Variants in TRABD2B observed in about 807,000 individuals in gnomAD.
TRABD2B encodes metalloprotease TIKI2.
TRABD2B carries 14 observed loss-of-function variants against 40.1 expected under a neutral mutation model. The ratio of observed to expected loss-of-function variants is 0.35; its 90% CI spans 0.23 to 0.55. TRABD2B has a LOEUF of 0.55. Among genes scored for constraint, TRABD2B ranks in the 20% least tolerant of loss-of-function variants. TRABD2B has a pLI of 0.90. For missense variants in TRABD2B, 541 were observed against 648.6 expected (o/e 0.83, Z 1.80); for synonymous variants, 263 against 277.0 (o/e 0.95, Z 0.50).
intron 2 of TRABD2B, among the ~76,000 whole-genome samples, chr1:47,899,740 C>A (rs914029298): frequency 6.6e-6 from 1 of 152,038 alleles, no homozygotes; most frequent in African/African-American, 2.4e-5. Flanking sequence ...CAAGGGAAGC[C>A]CTTGGAAATG....
intron 2 of TRABD2B, among the ~76,000 whole-genome samples, chr1:47,963,409 C>G (rs1300142767): frequency 6.6e-6 from 1 of 152,196 alleles, no homozygotes; most frequent in Non-Finnish European, 1.5e-5. Context: ...AGGGCATTTT[C>G]CCACTGCCAG....
At chr1:47,945,438 T>A (rs1047170198) in intron 2 of TRABD2B, among the ~76,000 whole-genome samples, 3 of 152,204 alleles carry the variant, frequency 2.0e-5, no homozygotes, top group African/African-American at 7.2e-5. Flanking sequence ...TATTAAAAAA[T>A]AATTTACATA....
intron 2 of TRABD2B, among the ~76,000 whole-genome samples, chr1:47,803,486 C>T (rs934822451): frequency 6.6e-6 from 1 of 152,190 alleles, no homozygotes; most frequent in African/African-American, 2.4e-5. Flanking sequence ...GGCCATCCTC[C>T]ACCAAGAATA....
intron 2 of TRABD2B, among the ~76,000 whole-genome samples, chr1:47,943,743 A>C (rs1366092275): frequency 7.1e-6 from 1 of 141,514 alleles, no homozygotes; most frequent in Non-Finnish European, 1.5e-5. Context: ...ACTATACGTG[A>C]GATGCATCCA....
At chr1:47,937,148 C>G (rs964673657) in intron 2 of TRABD2B, among the ~76,000 whole-genome samples, 20 of 151,168 alleles carry the variant, frequency 1.3e-4, no homozygotes, top group Non-Finnish European at 2.9e-4. Context: ...TTACCACTAC[C>G]ATGATCATCA....
intron 2 of TRABD2B, among the ~76,000 whole-genome samples, chr1:47,906,139 A>G (rs1014502444): frequency 2.0e-5 from 3 of 152,156 alleles, no homozygotes; most frequent in African/African-American, 7.2e-5. Context: ...CCCCACTTCA[A>G]TGGCCCTCCT....
In TRABD2B at chr1:47,760,647, TCA is replaced by T. The variant is rs1320357777; in HGVS notation, c.*5253_*5254del. On this transcript the variant is annotated 3_prime_UTR_variant, in exon 7 of 7. Transcript: ENST00000606738. ...CTCTTAAAGGACTCTTCATGATAAT[TCA>T]CAGAGGTGAGGGGCAGAGGTGATAA... The T allele has an allele frequency of 6.6e-6, 1 of 152,248 alleles. No homozygotes were observed. Among genetic ancestry groups the T allele is most frequent in the African/African-American group, 2.4e-5 (1 of 41,466 alleles). 9.4% of individuals were successfully genotyped at this position (152,248 alleles called of 1,614,324 possible). A position where few individuals can be genotyped will look rare whatever the true frequency, so the allele number is the denominator to read the frequency against.
intron 4 of TRABD2B, among the ~76,000 whole-genome samples, chr1:47,787,304 C>T (rs761959183): frequency 3.3e-5 from 5 of 152,132 alleles, no homozygotes; most frequent in African/African-American, 7.2e-5. Flanking sequence ...TGTGTGGAAA[C>T]GCTGAATGTT....
chr1:47,976,752 G>C (rs758337997), intron 2 of TRABD2B, among the ~76,000 whole-genome samples: 6 of 152,214 alleles, frequency 3.9e-5, no homozygotes, highest in Non-Finnish European at 7.3e-5. Flanking sequence ...CTTGGTACAT[G>C]AGCAGTACCT....
chr1:47,780,430 A>G (rs192303279), intron 4 of TRABD2B, among the ~76,000 whole-genome samples: 100 of 152,240 alleles, frequency 6.6e-4, no homozygotes, highest in African/African-American at 2.3e-3. Context: ...CGTTCATTTA[A>G]TGAACACTGC....
chr1:47,812,353 G>T lies in TRABD2B; in HGVS notation c.667-10734C>A, dbSNP rs527706770. Among the ~76,000 whole-genome samples, 5 of 152,314 alleles carry T rather than the reference G, an allele frequency of 3.3e-5. No individual in the cohort carries two copies. In the East Asian group the frequency reaches 9.6e-4, roughly 29 times the overall value. The stretch of plus-strand genomic sequence containing the variant: ...CACAGAGGTTGGGGGCCTCAGAGGG[G>T]TTTCTGACCCAGCCTGGGAGTCGGT... On this transcript the variant is annotated intron_variant, in intron 2 of 6. Transcript: ENST00000606738.
chr1:47,794,442 C>G lies in TRABD2B; in HGVS notation c.988+144G>C, dbSNP rs557295424. 3.4e-6 allele frequency: 3 copies of G among 874,874 alleles called. No homozygotes were observed. In the African/African-American group the frequency reaches 5.3e-5, roughly 15 times the overall value. The allele number at this position is 874,874 out of a possible 1,614,324, so 54.2% of individuals were successfully genotyped here. ...CCGAATCAGGAGAACTGCCTTGGATCTCGGTGCTGCTGCTAAGCACTGTGT... is the reference window on the plus strand; with the variant it reads ...CCGAATCAGGAGAACTGCCTTGGATGTCGGTGCTGCTGCTAAGCACTGTGT... On this transcript the variant is annotated intron_variant, in intron 4 of 6. Coordinates refer to ENST00000606738, the MANE Select transcript of TRABD2B (RefSeq NM_001194986.2).
At chr1:47,840,688 A>C (rs1392222272) in intron 2 of TRABD2B, among the ~76,000 whole-genome samples, 3 of 152,172 alleles carry the variant, frequency 2.0e-5, no homozygotes, top group Non-Finnish European at 4.4e-5. Flanking sequence ...CCAGGTCCTG[A>C]CCACAGTTGA....
intron 2 of TRABD2B, among the ~76,000 whole-genome samples, chr1:47,954,465 T>C (rs571645728): frequency 5.8e-4 from 88 of 151,962 alleles, no homozygotes; most frequent in African/African-American, 2.1e-3. Context: ...AGACCCTGAA[T>C]AAAGCAGGTG....
rs911834293 is a variant in TRABD2B, at chr1:47,918,773, C to T, written c.666+75261G>A. ...CTCCATGCAGACTGGGGAAAATCAG[C>T]GACCAAGGTCCAGAGTCAGGGCTAG... On this transcript the variant is annotated intron_variant, in intron 2 of 6. Transcript: ENST00000606738. Among the ~76,000 whole-genome samples the T allele has an allele frequency of 3.9e-5, 6 of 152,156 alleles. No homozygotes were observed. In the East Asian group the frequency reaches 7.7e-4, roughly 20 times the overall value.
intron 2 of TRABD2B, among the ~76,000 whole-genome samples, chr1:47,937,855 A>C (rs1645134579): frequency 6.6e-6 from 1 of 152,200 alleles, no homozygotes; most frequent in South Asian, 2.1e-4. Context: ...CCCGATACCC[A>C]GGGAGATAAA....
chr1:47,979,392 CA>C (rs1239557277), intron 2 of TRABD2B, among the ~76,000 whole-genome samples: 4 of 152,214 alleles, frequency 2.6e-5, no homozygotes, highest in African/African-American at 9.6e-5. Flanking sequence ...ATATAAAAGA[CA>C]ATAACATTTA....
chr1:47,997,074 G>A lies in TRABD2B; in HGVS notation c.-285C>T, dbSNP rs945751322. 1 of 984,422 alleles carries A rather than the reference G, an allele frequency of 1.0e-6. No individual in the cohort carries two copies. Among genetic ancestry groups the A allele is most frequent in the Non-Finnish European group, 1.2e-6 (1 of 829,394 alleles). The allele number at this position is 984,422 out of a possible 1,614,324, so 61.0% of individuals were successfully genotyped here. A position where few individuals can be genotyped will look rare whatever the true frequency, so the allele number is the denominator to read the frequency against. On this transcript the variant is annotated 5_prime_UTR_variant, in exon 1 of 7. Coordinates refer to ENST00000606738, the MANE Select transcript of TRABD2B (RefSeq NM_001194986.2). ...GGTGCTGAGGGCGTGTTGGGGTCCGGGGGCGCGCGGGGTCCCGGAGCTGCG... is the reference window on the plus strand; with the variant it reads ...GGTGCTGAGGGCGTGTTGGGGTCCGAGGGCGCGCGGGGTCCCGGAGCTGCG...
At chr1:47,995,341 T>A (rs1646073832) in intron 1 of TRABD2B, among the ~76,000 whole-genome samples, 1 of 152,180 alleles carries the variant, frequency 6.6e-6, no homozygotes, top group African/African-American at 2.4e-5. Flanking sequence ...AGTTTCAGAA[T>A]CTGGTTTGGG....
Sources: allele counts gnomAD v4.1 joint callset (sites outside exome capture counted in the v4.1 genomes callset), GRCh38; gene constraint gnomAD v4.1.1; transcripts MANE v1.5; gene names NCBI Gene and HGNC (gene_info 2026-07-23, HGNC 2026-07-21).